The following BAIAP2L2 variants were observed in gnomAD, a reference collection of about 807,000 sequenced individuals.
BAIAP2L2 encodes the protein BAR/IMD domain-containing adapter protein 2-like 2.
BAIAP2L2 carries 65 observed loss-of-function variants against 60.4 expected under a neutral mutation model. The ratio of observed to expected loss-of-function variants is 1.08; its 90% confidence interval spans 0.88 to 1.32. BAIAP2L2 has a LOEUF of 1.32. Among genes scored for constraint, BAIAP2L2 ranks in the 40% most tolerant of loss-of-function variants. BAIAP2L2 has a pLI of 0.00. For missense variants in BAIAP2L2, 836 were observed against 741.2 expected, an observed-to-expected ratio of 1.13 and a Z score of -1.48; for synonymous variants, 344 against 301.7, an observed-to-expected ratio of 1.14 and a Z score of -1.45.
At position 38,085,313 on chromosome 22, in the gene BAIAP2L2, G is replaced by A. The variant is rs979034142; in HGVS notation, c.1577C>T (p.Pro526Leu). 1 of 1,614,038 alleles carries A rather than the reference G, an allele frequency of 6.2e-7. No individual in the cohort carries two copies. The highest frequency in any genetic ancestry group is 8.5e-7 in the Non-Finnish European group (1 of 1,179,958). The part of the protein sequence containing the change: ...RPTITNDRSA[P>L]LIR ...TCGGACCCCGCCTCAGCGGATGAGG[G>A]GTGCTGAGCGGTCATTGGTGATGGT... Residue 526 changes from proline to leucine, a missense_variant, in exon 14 of 14, where the codon CCC (proline) becomes CTC (leucine). Pro to Leu is a moderately conservative substitution (Grantham distance 98). Transcript: ENST00000381669.
At chr22:38,109,498 C>G (rs2086746768) in intron 1 of BAIAP2L2, among the ~76,000 whole-genome samples, 1 of 152,298 alleles carries the variant, frequency 6.6e-6, no homozygotes, top group African/African-American at 2.4e-5. Flanking sequence ...CGAGATGGTG[C>G]ACCTGGAAGG....
intron 7 of BAIAP2L2, among the ~76,000 whole-genome samples, chr22:38,093,235 T>G (rs1352423608): frequency 6.6e-6 from 1 of 151,626 alleles, no homozygotes; most frequent in Non-Finnish European, 1.5e-5. Flanking sequence ...GATATGAACT[T>G]CCCCTTTGCC....
intron 5 of BAIAP2L2, 53 bp from the exon 6 acceptor site, chr22:38,098,232 A>G: frequency 2.5e-6 from 4 of 1,579,254 alleles, no homozygotes; most frequent in Admixed American, 1.7e-5. Context: ...AGAGAGCTCA[A>G]GACACCCCTC....
At chr22:38,089,719 C>T (rs1002318361) in intron 7 of BAIAP2L2, 45 bp from the exon 8 acceptor site, 2 of 1,224,972 alleles carry the variant, frequency 1.6e-6, no homozygotes, top group East Asian at 3.2e-5. Flanking sequence ...CGGGCGGCTC[C>T]CTGAATCCTG....
At chr22:38,098,620 C>T (rs2086499995) in intron 4 of BAIAP2L2, 138 bp from the exon 5 acceptor site, 1 of 614,500 alleles carries the variant, frequency 1.6e-6, no homozygotes, top group Non-Finnish European at 2.8e-6. Flanking sequence ...GTCAGAGAAA[C>T]GGAGACAAGA....
At chr22:38,108,044 C>A in intron 3 of BAIAP2L2, 131 bp from the exon 4 acceptor site, 1 of 1,080,146 alleles carries the variant, frequency 9.3e-7, no homozygotes, top group South Asian at 1.5e-5. Context: ...CGGGAACTTC[C>A]CATATGGTTC....
intron 7 of BAIAP2L2, chr22:38,090,532 C>T (rs1017385580): frequency 1.3e-5 from 2 of 152,092 alleles, no homozygotes; most frequent in African/African-American, 4.8e-5. Flanking sequence ...TTCAAACATC[C>T]CTGTCCCTCA....
chr22:38,109,240 G>T, intron 1 of BAIAP2L2, 32 bp from the exon 2 acceptor site: 1 of 1,552,580 alleles, frequency 6.4e-7, no homozygotes, highest in Non-Finnish European at 8.9e-7. Context: ...GGAAAAAGGT[G>T]TAGAGATGGG....
At chr22:38,093,190 G>A (rs2086349192) in intron 7 of BAIAP2L2, among the ~76,000 whole-genome samples, 1 of 152,046 alleles carries the variant, frequency 6.6e-6, no homozygotes, top group Non-Finnish European at 1.5e-5. Flanking sequence ...AAAAGAAAGA[G>A]TGTGGCACCC....
chr22:38,104,438 G>C (rs986855345), intron 4 of BAIAP2L2, among the ~76,000 whole-genome samples: 2 of 151,806 alleles, frequency 1.3e-5, no homozygotes, highest in African/African-American at 4.8e-5. Flanking sequence ...AACAGACAAA[G>C]TGTAAGGAAA....
intron 11 of BAIAP2L2, 56 bp downstream of exon 11, chr22:38,087,068 C>T: frequency 6.8e-7 from 1 of 1,469,012 alleles, no homozygotes; most frequent in South Asian, 1.4e-5. Context: ...CTCCGCTGGG[C>T]AGTGACACCC....
intron 10 of BAIAP2L2, among the ~76,000 whole-genome samples, chr22:38,087,543 C>T (rs1449195760): frequency 2.0e-5 from 3 of 152,070 alleles, no homozygotes; most frequent in Admixed American, 6.5e-5. Flanking sequence ...AAGGTTCTAT[C>T]CTCAGGTCCC....
At chr22:38,093,977 G>A (rs759625564) in intron 7 of BAIAP2L2, 3 of 456,402 alleles carry the variant, frequency 6.6e-6, no homozygotes, top group Non-Finnish European at 1.3e-5. Context: ...TAAATACATC[G>A]AGTAAACGAG....
At chr22:38,108,218 C>T (rs1177285840) in intron 3 of BAIAP2L2, 37 bp downstream of exon 3, 55 of 1,583,852 alleles carry the variant, frequency 3.5e-5, no homozygotes, top group Non-Finnish European at 4.7e-5. Flanking sequence ...AAAAGGAGGG[C>T]CCAAGAATGG....
chr22:38,106,854 C>T (rs1477682220), intron 4 of BAIAP2L2, among the ~76,000 whole-genome samples: 1 of 152,160 alleles, frequency 6.6e-6, no homozygotes, highest in Non-Finnish European at 1.5e-5. Context: ...TTTCTTTCCC[C>T]TGTGTCACTG....
rs1169522049 is a variant in BAIAP2L2, at chr22:38,086,428, G to GTC, written c.1280_1281insGA (p.Ser427ArgfsTer16). ...GGTCCAGGAGGTCATCGAGGCTGTG[G>GTC]CTGCCCCGGAGTGGGTAGGACCTAA... On this transcript the variant is annotated frameshift_variant, in exon 12 of 14. Coordinates refer to ENST00000381669, the MANE Select transcript of BAIAP2L2 (RefSeq NM_025045.6). LOFTEE classifies it high-confidence loss of function. The GTC allele has an allele frequency of 1.3e-6, 2 of 1,523,858 alleles. No individual in the cohort carries two copies. Among genetic ancestry groups the GTC allele is most frequent in the East Asian group, 4.9e-5 (2 of 41,070 alleles). The allele number at this position is 1,523,858 out of a possible 1,614,324, so 94.4% of individuals were successfully genotyped here. A position where few individuals can be genotyped will look rare whatever the true frequency, so the allele number is the denominator to read the frequency against.
At chr22:38,105,485 G>C (rs936682697) in intron 4 of BAIAP2L2, among the ~76,000 whole-genome samples, 2 of 151,694 alleles carry the variant, frequency 1.3e-5, no homozygotes, top group Non-Finnish European at 2.9e-5. Context: ...GATTACAGGC[G>C]CCCGCCACCA....
intron 4 of BAIAP2L2, among the ~76,000 whole-genome samples, chr22:38,102,501 A>G (rs556602268): frequency 1.3e-5 from 2 of 152,310 alleles, no homozygotes; most frequent in Admixed American, 6.5e-5. Flanking sequence ...TCCACAGACA[A>G]TCTCTGAGGT....
Position 38,088,769 on chromosome 22 carries a change from C to T in BAIAP2L2, c.1097G>A (p.Gly366Asp). The change falls in exon 10 of 14, where the codon GGC (glycine) becomes GAC (aspartate). Residue 366 changes from glycine (G) to aspartate (D), a missense_variant. Transcript: ENST00000381669. ...TCACGCGGACGAGCCCTCCAGCTTG[C>T]CGTAGAGCCAGCCGTTCTGGGCCTC... ...VPEAQNGWLY[G>D]KLEGSSASGW... The T allele has an allele frequency of 6.3e-7, 1 of 1,599,968 alleles. No individual in the cohort carries two copies.
Sources: allele counts gnomAD v4.1 joint callset (sites outside exome capture counted in the v4.1 genomes callset), GRCh38; gene constraint gnomAD v4.1.1; transcripts MANE v1.5; gene names NCBI Gene and HGNC (gene_info 2026-07-23, HGNC 2026-07-21).